XNDC1N: variants seen among roughly 807,000 people sequenced by gnomAD.
XNDC1N encodes protein XNDC1N.
chr11:71,912,036 T>C, the XNDC1N span, among the ~76,000 whole-genome samples: 1 of 152,226 alleles, frequency 6.6e-6, no homozygotes, highest in Non-Finnish European at 1.5e-5. Flanking sequence ...ACTGCAGTTG[T>C]ACTGGCTGTG....
the XNDC1N span, among the ~76,000 whole-genome samples, chr11:71,886,120 G>A: frequency 4.6e-5 from 7 of 152,114 alleles, no homozygotes; most frequent in Non-Finnish European, 7.3e-5. Flanking sequence ...AGATGAGGAT[G>A]GTCACGTGGT....
the XNDC1N span, chr11:71,917,404 T>C: frequency 4.9e-6 from 3 of 616,750 alleles, no homozygotes; most frequent in African/African-American, 3.7e-5. Context: ...AGTTCATAAA[T>C]CTCCATCTCC....
At chr11:71,912,904 G>A in the XNDC1N span, among the ~76,000 whole-genome samples, 1 of 152,030 alleles carries the variant, frequency 6.6e-6, no homozygotes, top group African/African-American at 2.4e-5. Flanking sequence ...CAAGTGGGGT[G>A]TACTCCCCCT....
the XNDC1N span, among the ~76,000 whole-genome samples, chr11:71,907,568 A>G: frequency 1.3e-5 from 2 of 152,024 alleles, no homozygotes; most frequent in Non-Finnish European, 2.9e-5. Flanking sequence ...ACTGTTTCAC[A>G]GACCGCTGTA....
At chr11:71,878,393 C>T in the XNDC1N span, 4 of 1,585,650 alleles carry the variant, frequency 2.5e-6, no homozygotes, top group South Asian at 3.4e-5. Context: ...ACTGAATGTA[C>T]ACAGAAGTCC....
At chr11:71,909,251 G>A in the XNDC1N span, among the ~76,000 whole-genome samples, 1 of 151,748 alleles carries the variant, frequency 6.6e-6, no homozygotes, top group Non-Finnish European at 1.5e-5. Flanking sequence ...TAAGCCGTAA[G>A]GAAAACGGCA....
the XNDC1N span, among the ~76,000 whole-genome samples, chr11:71,907,582 C>A: frequency 1.3e-5 from 2 of 152,004 alleles, no homozygotes; most frequent in Non-Finnish European, 2.9e-5. Flanking sequence ...CGCTGTACAC[C>A]CGTCTGTATT....
At chr11:71,889,453 C>G in the XNDC1N span, among the ~76,000 whole-genome samples, 1 of 152,184 alleles carries the variant, frequency 6.6e-6, no homozygotes, top group Non-Finnish European at 1.5e-5. Context: ...GATCTGGGAC[C>G]TACTTCTTCT....
the XNDC1N span, among the ~76,000 whole-genome samples, chr11:71,913,388 C>CG: frequency 1.3e-5 from 2 of 152,086 alleles, no homozygotes; most frequent in South Asian, 2.1e-4. Context: ...AACAAGGTCA[C>CG]GGGGGGTGAC....
At chr11:71,906,608 T>C in the XNDC1N span, among the ~76,000 whole-genome samples, 2 of 152,124 alleles carry the variant, frequency 1.3e-5, no homozygotes, top group Admixed American at 6.5e-5. Context: ...ATATTACGAA[T>C]TTTATGACAG....
chr11:71,923,511 T>A, the XNDC1N span: 1 of 613,710 alleles, frequency 1.6e-6, no homozygotes, highest in Non-Finnish European at 2.9e-6. Flanking sequence ...AAACTAGCCA[T>A]GGCTGTGGTA....
chr11:71,918,150 G>A, the XNDC1N span, among the ~76,000 whole-genome samples: 1 of 152,164 alleles, frequency 6.6e-6, no homozygotes, highest in African/African-American at 2.4e-5. Context: ...CTAAATTCCA[G>A]AGAATTCTAA....
the XNDC1N span, among the ~76,000 whole-genome samples, chr11:71,910,529 G>T: frequency 3.9e-5 from 6 of 152,278 alleles, no homozygotes; most frequent in South Asian, 1.2e-3. Flanking sequence ...GCTGCGTGTT[G>T]CTCCAGTAGG....
At chr11:71,917,927 G>C in the XNDC1N span, among the ~76,000 whole-genome samples, 1 of 152,012 alleles carries the variant, frequency 6.6e-6, no homozygotes, top group Non-Finnish European at 1.5e-5. Flanking sequence ...GCCAGTAACT[G>C]GAGTGGAATG....
chr11:71,901,426 G>A, the XNDC1N span, among the ~76,000 whole-genome samples: 4 of 151,898 alleles, frequency 2.6e-5, no homozygotes, highest in African/African-American at 7.3e-5. Flanking sequence ...GTGAAACCAC[G>A]TCTCTACTCA....
the XNDC1N span, among the ~76,000 whole-genome samples, chr11:71,878,908 G>T: frequency 2.6e-5 from 4 of 152,192 alleles, no homozygotes; most frequent in Non-Finnish European, 5.9e-5. Flanking sequence ...GCTTAGGCAG[G>T]AGGATCGCTT....
At chr11:71,908,729 G>T in the XNDC1N span, among the ~76,000 whole-genome samples, 45 of 152,154 alleles carry the variant, frequency 3.0e-4, no homozygotes, top group Admixed American at 7.9e-4. Context: ...AACCCCACCT[G>T]TGCTGATTGG....
the XNDC1N span, among the ~76,000 whole-genome samples, chr11:71,892,185 A>G: frequency 6.6e-6 from 1 of 152,138 alleles, no homozygotes; most frequent in African/African-American, 2.4e-5. Flanking sequence ...GAATAATTTC[A>G]CAGTCTGTAC....
chr11:71,882,436 G>C, the XNDC1N span, among the ~76,000 whole-genome samples: 1 of 152,044 alleles, frequency 6.6e-6, no homozygotes, highest in Admixed American at 6.6e-5. Context: ...TCACTAGTTT[G>C]GCCAGGCTGG....
Sources: gnomAD v4.1 joint callset for allele counts (sites outside exome capture counted in the v4.1 genomes callset) on GRCh38, gnomAD v4.1.1 for gene constraint, MANE v1.5 for transcripts, NCBI Gene and HGNC (gene_info 2026-07-23, HGNC 2026-07-21) for gene names.